MYH14: variants seen among roughly 807,000 people sequenced by gnomAD.
MYH14 encodes myosin heavy chain 14.
MYH14 carries 123 observed loss-of-function variants against 255.5 expected under a neutral mutation model. The ratio of observed to expected loss-of-function variants is 0.48; its 90% CI spans 0.42 to 0.56. MYH14 has a LOEUF of 0.56. Among genes scored for constraint, MYH14 ranks in the 20% least tolerant of loss-of-function variants. The probability of loss-of-function intolerance (pLI) is 0.00; values close to 1 mark genes in which losing one functional copy is unlikely to be tolerated. For missense variants in MYH14, 2,423 were observed against 2,802.3 expected (o/e 0.86, Z 3.06); for synonymous variants, 1,095 against 1,161.2 (o/e 0.94, Z 1.16).
chr19:50,205,304 G>A (rs941263366), intron 1 of MYH14, among the ~76,000 whole-genome samples: 3 of 152,074 alleles, frequency 2.0e-5, no homozygotes, highest in Non-Finnish European at 4.4e-5. Flanking sequence ...AGCCCCTGGC[G>A]CCGCCGCCGC....
intron 2 of MYH14, 96 bp downstream of exon 2, chr19:50,210,866 G>A: frequency 6.7e-7 from 1 of 1,499,586 alleles, no homozygotes; most frequent in Non-Finnish European, 8.9e-7. Context: ...ACTTGAGGCT[G>A]TTTATCATCT....
intron 41 of MYH14, among the ~76,000 whole-genome samples, chr19:50,307,654 G>T (rs894032585): frequency 2.0e-5 from 3 of 152,184 alleles, no homozygotes; most frequent in African/African-American, 7.2e-5. Context: ...CAGAGTGTGT[G>T]TTCTTGATTA....
At chr19:50,214,108 A>G (rs2032344885) in intron 2 of MYH14, among the ~76,000 whole-genome samples, 1 of 152,164 alleles carries the variant, frequency 6.6e-6, no homozygotes, top group Non-Finnish European at 1.5e-5. Context: ...TACAGGCTTG[A>G]GCCACTGCTG....
At chr19:50,254,043 C>T (rs923294278) in intron 16 of MYH14, among the ~76,000 whole-genome samples, 5 of 151,948 alleles carry the variant, frequency 3.3e-5, no homozygotes, top group Admixed American at 1.3e-4. Flanking sequence ...CATGGAGAAA[C>T]CTCATCTCTA....
intron 39 of MYH14, among the ~76,000 whole-genome samples, chr19:50,296,757 C>T (rs1198068825): frequency 2.0e-5 from 3 of 152,206 alleles, no homozygotes; most frequent in South Asian, 2.1e-4. Flanking sequence ...GTCAAGAGCA[C>T]GTAGAAGTCA....
intron 33 of MYH14, chr19:50,284,948 G>A (rs2035847088): frequency 7.2e-6 from 1 of 139,820 alleles, no homozygotes; most frequent in South Asian, 2.2e-4. Context: ...CCAGGCTGGA[G>A]TGCAGTGGCG....
intron 10 of MYH14, among the ~76,000 whole-genome samples, chr19:50,238,044 A>G (rs1408409942): frequency 6.6e-6 from 1 of 152,230 alleles, no homozygotes; most frequent in Non-Finnish European, 1.5e-5. Context: ...TTTGGGGCCA[A>G]TCAAGGCAGG....
intron 15 of MYH14, among the ~76,000 whole-genome samples, chr19:50,251,557 C>T (rs1263216712): frequency 7.5e-4 from 79 of 104,826 alleles, no homozygotes; most frequent in African/African-American, 2.7e-3. Flanking sequence ...CACACACACA[C>T]ACACACACAC....
At chr19:50,303,381 A>C (rs528409864) in intron 40 of MYH14, among the ~76,000 whole-genome samples, 42 of 152,300 alleles carry the variant, frequency 2.8e-4, no homozygotes, top group African/African-American at 1.0e-3. Context: ...AGGCTAGCCC[A>C]GGATTGTTCA....
chr19:50,277,510 A>G (rs1229496293), intron 29 of MYH14, among the ~76,000 whole-genome samples: 1 of 152,084 alleles, frequency 6.6e-6, no homozygotes, highest in Non-Finnish European at 1.5e-5. Context: ...TGAGAGGCTG[A>G]GGCAGGAGAA....
Position 50,276,227 on chromosome 19 carries a change from G to A in MYH14, c.3680+24G>A. On this transcript the variant is annotated intron_variant, in intron 28 of 42. Coordinates refer to ENST00000642316, the MANE Select transcript of MYH14 (RefSeq NM_001145809.2). This position sits in a 1 kb window ranked among gnomAD's most constrained non-coding sequence, Gnocchi z 4.3. ...CGGTGAGGCCCGGTGGCAGGCCGCT[G>A]TCACAGCCTGTGCACATACAGGGCT... is the stretch of plus-strand genomic sequence containing the variant. The A allele has an allele frequency of 6.7e-7, 1 of 1,499,326 alleles. No homozygotes were observed. Among genetic ancestry groups the A allele is most frequent in the Non-Finnish European group, 9.0e-7 (1 of 1,115,274 alleles). 92.9% of individuals were successfully genotyped at this position (1,499,326 alleles called of 1,614,324 possible). A position where few individuals can be genotyped will look rare whatever the true frequency, so the allele number is the denominator to read the frequency against.
At chr19:50,217,816 CG>C in intron 3 of MYH14, 45 bp downstream of exon 3, 5 of 1,599,648 alleles carry the variant, frequency 3.1e-6, no homozygotes, top group Non-Finnish European at 4.3e-6. Context: ...GGCTCTTCAA[CG>C]GGGGCCTGAC....
chr19:50,268,393 G>C, intron 24 of MYH14, 26 bp downstream of exon 24: 1 of 1,547,762 alleles, frequency 6.5e-7, no homozygotes, highest in Non-Finnish European at 8.7e-7. Context: ...TGCCCACCAG[G>C]CCACCCTCCA....
chr19:50,263,396 G>T lies in MYH14; in HGVS notation c.2670G>T (p.Trp890Cys), dbSNP rs2034961332. The T allele has an allele frequency of 6.2e-7, 1 of 1,603,638 alleles. No homozygotes were observed. The highest frequency in any genetic ancestry group is 2.3e-5 in the East Asian group (1 of 44,372). The change falls in exon 22 of 43, where the codon TGG becomes TGT. Residue 890 changes from tryptophan (W) to cysteine (C), a missense_variant. This residue lies in a region of MYH14 where 1,513 missense variants were observed against 1,674.8 expected (regional missense o/e 0.90). Coordinates refer to ENST00000642316, the MANE Select transcript of MYH14 (RefSeq NM_001145809.2). ...NCAAYLKLRHWQWWRLFTKVK... is the reference protein window; with the variant it reads ...NCAAYLKLRHCQWWRLFTKVK... ...CGGCCTACCTCAAGCTGAGACACTG[G>T]CAGTGGTGGCGGCTGTTTACCAAGG...
Position 50,276,010 on chromosome 19 carries a change from G to T in MYH14, c.3487G>T (p.Ala1163Ser), listed in dbSNP as rs1178749083. Reference protein sequence around the residue: ...ALARAEDEGGARAQLLKSLRE... With the variant: ...ALARAEDEGGSRAQLLKSLRE... The stretch of plus-strand genomic sequence containing the variant: ...CCCCAGGGCAGAAGACGAGGGTGGG[G>T]CCCGGGCCCAGCTGCTGAAATCCCT... The change falls in exon 28 of 43, where the codon GCC becomes TCC. Residue 1163 changes from alanine to serine, a missense_variant. Physicochemically the swap from Ala to Ser is moderately conservative, Grantham distance 99. Coordinates refer to ENST00000642316, the MANE Select transcript of MYH14 (RefSeq NM_001145809.2). The surrounding 1 kb of genome is among the most constrained non-coding windows in gnomAD (Gnocchi z 4.3). 3 of 1,612,694 alleles carry T rather than the reference G, an allele frequency of 1.9e-6. No individual in the cohort carries two copies. Among genetic ancestry groups the T allele is most frequent in the Admixed American group, 1.7e-5 (1 of 59,956 alleles).
Position 50,309,019 on chromosome 19 carries a change from C to G in MYH14, c.5802C>G (p.Asn1934Lys), listed in dbSNP as rs745991888. The stretch of plus-strand genomic sequence containing the variant: ...CTTCCATCAAGCTGGAGAAGGGAAA[C>G]CTTCGAGTCAAGCAGCTGAAGCGGC... Reference protein sequence around the residue: ...DQLRDQLEKGNLRVKQLKRQL... With the variant: ...DQLRDQLEKGKLRVKQLKRQL... The change falls in exon 42 of 43, where the codon AAC (asparagine) becomes AAG (lysine). Residue 1934 changes from asparagine (N) to lysine (K), a missense_variant. Transcript: ENST00000642316. 2 of 1,612,444 alleles carry G rather than the reference C, an allele frequency of 1.2e-6. No homozygotes were observed. The highest frequency in any genetic ancestry group is 1.7e-6 in the Non-Finnish European group (2 of 1,179,110).
chr19:50,259,373 C>T, intron 19 of MYH14, 108 bp downstream of exon 19: 4 of 1,413,926 alleles, frequency 2.8e-6, no homozygotes, highest in Non-Finnish European at 3.8e-6. Flanking sequence ...TCCTTCTGCG[C>T]TGGGGAAGTT....
In MYH14 at chr19:50,272,746, G is replaced by A. The variant is rs376345076; in HGVS notation, c.3467+15G>A. ...GCCCTGGCCAGGTGCAGGGTGGGGT[G>A]GGCTTGGTGGGGTAAGCAGCATGGG... is the stretch of plus-strand genomic sequence containing the variant. On this transcript the variant is annotated intron_variant, in intron 27 of 42. Coordinates refer to ENST00000642316, the MANE Select transcript of MYH14 (RefSeq NM_001145809.2). 66 of 1,548,954 alleles carry A rather than the reference G, an allele frequency of 4.3e-5. No individual in the cohort carries two copies. In the African/African-American group the frequency reaches 8.8e-4, roughly 21 times the overall value.
rs1330849590 is a variant in MYH14 at position 50,252,392 on chromosome 19, A to G, written c.1831-247A>G. Among the ~76,000 whole-genome samples, 1 of 152,044 alleles carries G rather than the reference A, an allele frequency of 6.6e-6. No individual in the cohort carries two copies. Among genetic ancestry groups the G allele is most frequent in the African/African-American group, 2.4e-5 (1 of 41,408 alleles). ...CGGAGGCCAGGGTGGCTGGAGCGGA[A>G]TGAATAGGAAGAAAGTGGTGGTGGT... On this transcript the variant is annotated intron_variant, in intron 15 of 42. Transcript: ENST00000642316. This position sits in a 1 kb window ranked among gnomAD's most constrained non-coding sequence, Gnocchi z 4.2.
Sources: gnomAD v4.1 joint callset for allele counts (sites outside exome capture counted in the v4.1 genomes callset) on GRCh38, gnomAD v4.1.1 for gene constraint, gnomAD v4.1.1 regional missense constraint, Gnocchi (gnomAD v3.1) non-coding constraint, MANE v1.5 for transcripts, NCBI Gene and HGNC (gene_info 2026-07-23, HGNC 2026-07-21) for gene names.